The following ATP11B variants were observed in gnomAD, a reference collection of about 807,000 sequenced individuals.
ATP11B encodes the protein phospholipid-transporting ATPase IF.
ATP11B carries 81 observed loss-of-function variants against 157.8 expected under a neutral mutation model. The observed-to-expected ratio is 0.51, with a 90% CI of 0.43 to 0.62. ATP11B has a LOEUF of 0.62. Among genes scored for constraint, ATP11B ranks in the 20% least tolerant of loss-of-function variants. ATP11B has a pLI of 0.00. For synonymous variants in ATP11B, 451 were observed against 469.4 expected, an observed-to-expected ratio of 0.96 and a Z score of 0.51; for missense variants, 1,165 against 1,402.2, an observed-to-expected ratio of 0.83 and a Z score of 2.70.
At chr3:182,832,671 G>C (rs1048137375) in intron 4 of ATP11B, among the ~76,000 whole-genome samples, 3 of 152,094 alleles carry the variant, frequency 2.0e-5, no homozygotes, top group Admixed American at 1.3e-4. Context: ...GTTGTCAGTT[G>C]TTTGCTTGTT....
At chr3:182,867,176 G>T (rs561063893) in intron 14 of ATP11B, among the ~76,000 whole-genome samples, 200 bp from the exon 15 acceptor site, 2 of 149,680 alleles carry the variant, frequency 1.3e-5, no homozygotes, top group African/African-American at 2.6e-5. Context: ...TGATCAACCC[G>T]CTTTGGCCTC....
At chr3:182,797,313 C>T (rs1450067937) in intron 1 of ATP11B, among the ~76,000 whole-genome samples, 1 of 152,176 alleles carries the variant, frequency 6.6e-6, no homozygotes. Flanking sequence ...AAAAACAGAT[C>T]TATAAAACTG....
intron 1 of ATP11B, among the ~76,000 whole-genome samples, chr3:182,812,719 A>G (rs1054642500): frequency 7.2e-5 from 11 of 152,202 alleles, no homozygotes; most frequent in African/African-American, 2.4e-4. Context: ...ATTGTGTGAA[A>G]TATACATAAT....
rs1449694676 is a variant in ATP11B at position 182,835,117 on chromosome 3, CA to C, written c.316-917del. On this transcript the variant is annotated intron_variant, in intron 4 of 29. Transcript: ENST00000323116. ...AGAGGAGAGGTTGGTCTTGCTGTCT[CA>C]GGGGTGGCAGAGGTACAAGAGGTAG... Among the ~76,000 whole-genome samples the C allele has an allele frequency of 1.1e-4, 16 of 152,080 alleles. No individual in the cohort carries two copies. In the East Asian group the frequency reaches 2.5e-3, roughly 24 times the overall value.
intron 9 of ATP11B, among the ~76,000 whole-genome samples, chr3:182,846,910 A>C (rs1328548082): frequency 6.6e-6 from 1 of 152,168 alleles, no homozygotes; most frequent in Admixed American, 6.5e-5. Context: ...ACTAAGTGCC[A>C]CTGAATTATA....
At chr3:182,874,547 T>C (rs888536972) in intron 19 of ATP11B, among the ~76,000 whole-genome samples, 3 of 152,192 alleles carry the variant, frequency 2.0e-5, no homozygotes, top group African/African-American at 7.2e-5. Context: ...ATTTTATTTT[T>C]GAGTTAGATG....
At chr3:182,850,292 G>T (rs1379080791) in intron 10 of ATP11B, among the ~76,000 whole-genome samples, 1 of 152,096 alleles carries the variant, frequency 6.6e-6, no homozygotes, top group African/African-American at 2.4e-5. Flanking sequence ...GGCCAACATG[G>T]TGAAACTCCG....
chr3:182,830,613 G>T (rs1306243206), intron 4 of ATP11B, among the ~76,000 whole-genome samples: 1 of 152,138 alleles, frequency 6.6e-6, no homozygotes, highest in African/African-American at 2.4e-5. Flanking sequence ...AATTTTCTCA[G>T]GCAAATGTGA....
At position 182,843,859 on chromosome 3, in the gene ATP11B, CATTCACATTG is replaced by C. The variant is rs1358103829; in HGVS notation, c.705-1589_705-1580del. 2.0e-5 allele frequency: 3 copies of C among 152,174 alleles called. No homozygotes were observed. The East Asian group carries it at 5.8e-4, about 29-fold the overall frequency. The allele number at this position is 152,174 out of a possible 1,614,324, so 9.4% of individuals were successfully genotyped here. On this transcript the variant is annotated intron_variant, in intron 8 of 29. Coordinates refer to ENST00000323116, the MANE Select transcript of ATP11B (RefSeq NM_014616.3). ...AAGACAAGCCAGCAAAAATACCATA[CATTCACATTG>C]ATTCACATTTTTAATAAGCATTAAC...
chr3:182,917,364 G>A (rs1008959017), intron 29 of ATP11B: 1 of 985,194 alleles, frequency 1.0e-6, no homozygotes, highest in African/African-American at 1.7e-5. Context: ...ATTAACTCAA[G>A]CTAATTTAAG....
rs1199119395 is a variant in ATP11B, at chr3:182,914,814, G to T, written c.3452+820G>T. 3 of 985,168 alleles carry T rather than the reference G, an allele frequency of 3.0e-6. No individual in the cohort carries two copies. The African/African-American group carries it at 5.2e-5, about 17-fold the overall frequency. 61.0% of individuals were successfully genotyped at this position (985,168 alleles called of 1,614,324 possible). A position where few individuals can be genotyped will look rare whatever the true frequency, so the allele number is the denominator to read the frequency against. On this transcript the variant is annotated intron_variant, in intron 29 of 29. Transcript: ENST00000323116. ...CCAAGAGTTATATCACTATTTAGAG[G>T]ATGTTAGGGGGTAGAAAGAGCTTTT...
chr3:182,896,892 G>T, intron 26 of ATP11B, 127 bp downstream of exon 26: 4 of 683,302 alleles, frequency 5.9e-6, no homozygotes, highest in South Asian at 2.2e-5. Flanking sequence ...AATTTCACTG[G>T]TTACTATTTT....
chr3:182,832,104 GA>G (rs1179338090), intron 4 of ATP11B, among the ~76,000 whole-genome samples: 1 of 151,962 alleles, frequency 6.6e-6, no homozygotes, highest in African/African-American at 2.4e-5. Flanking sequence ...TAACTGAGTT[GA>G]AAAAAAGTTG....
intron 2 of ATP11B, among the ~76,000 whole-genome samples, chr3:182,820,919 C>T (rs1410610311): frequency 6.6e-6 from 1 of 152,116 alleles, no homozygotes; most frequent in Non-Finnish European, 1.5e-5. Context: ...GTACCAGAAA[C>T]TATATTAAGT....
chr3:182,844,647 C>A, intron 8 of ATP11B: 2 of 551,230 alleles, frequency 3.6e-6, no homozygotes, highest in Non-Finnish European at 4.6e-6. Context: ...ACTAACATAC[C>A]TTGTACTTTG....
At position 182,882,314 on chromosome 3, in the gene ATP11B, A is replaced by T. The variant is rs182035120; in HGVS notation, c.2509+1333A>T. 4.7e-4 allele frequency among the ~76,000 whole-genome samples: 72 copies of T among 152,264 alleles called. No individual in the cohort carries two copies. In the South Asian group the frequency reaches 0.012, roughly 25 times the overall value. On this transcript the variant is annotated intron_variant, in intron 21 of 29. Coordinates refer to ENST00000323116, the MANE Select transcript of ATP11B (RefSeq NM_014616.3). ...TAGCAATTTGATGATAACTTCCTAT[A>T]CCATACATTTAAGGCTATAAAAAAA...
chr3:182,905,135 T>G (rs1464263765), intron 28 of ATP11B, among the ~76,000 whole-genome samples: 2 of 152,106 alleles, frequency 1.3e-5, no homozygotes, highest in Non-Finnish European at 2.9e-5. Flanking sequence ...GTCTTAATCC[T>G]GGAAAAATAC....
chr3:182,805,042 G>A (rs1248538287), intron 1 of ATP11B, among the ~76,000 whole-genome samples: 15 of 152,012 alleles, frequency 9.9e-5, no homozygotes, highest in Admixed American at 9.8e-4. Context: ...TGGACATTTG[G>A]GTTGTTTCTG....
At chr3:182,794,948 A>C (rs1205299960) in intron 1 of ATP11B, among the ~76,000 whole-genome samples, 2 of 152,196 alleles carry the variant, frequency 1.3e-5, no homozygotes, top group African/African-American at 4.8e-5. Context: ...CTTCTGCTCT[A>C]GAAAAGCATT....
Sources: allele counts gnomAD v4.1 joint callset (sites outside exome capture counted in the v4.1 genomes callset), GRCh38; gene constraint gnomAD v4.1.1; transcripts MANE v1.5; gene names NCBI Gene and HGNC (gene_info 2026-07-23, HGNC 2026-07-21).